The following IQSEC3 variants were observed in gnomAD, a reference collection of about 807,000 sequenced individuals.
The protein encoded by IQSEC3 is IQ motif and Sec7 domain ArfGEF 3, also known as IQ motif and SEC7 domain-containing protein 3.
A neutral mutation model predicts 105.4 loss-of-function variants in IQSEC3; 50 were observed. The ratio of observed to expected loss-of-function variants is 0.47; its 90% confidence interval spans 0.38 to 0.60. The LOEUF is 0.60. IQSEC3 is among the 20% of genes least tolerant of loss of function. IQSEC3 has a pLI of 0.00. For missense variants in IQSEC3, 1,415 were observed against 1,630.0 expected (o/e 0.87, Z 2.27); for synonymous variants, 708 against 746.0 (o/e 0.95, Z 0.83).
chr12:126,479 C>T (rs1372388483), intron 3 of IQSEC3, among the ~76,000 whole-genome samples: 2 of 151,670 alleles, frequency 1.3e-5, no homozygotes, highest in African/African-American at 4.8e-5. Flanking sequence ...ATTGTGGGGC[C>T]CCCATTGAAC....
chr12:139,787 G>C (rs797027174), intron 4 of IQSEC3: 6 of 156,514 alleles, frequency 3.8e-5, no homozygotes, highest in Non-Finnish European at 5.6e-5. Flanking sequence ...GAGGCTGGGT[G>C]GGGGAGGGAG....
chr12:76,341 G>T, intron 1 of IQSEC3, among the ~76,000 whole-genome samples: 1 of 152,256 alleles, frequency 6.6e-6, no homozygotes, highest in Non-Finnish European at 1.5e-5. Flanking sequence ...GGGACGGTGA[G>T]CAGGTGGTGC....
At chr12:98,082 C>T (rs540251638) in intron 1 of IQSEC3, among the ~76,000 whole-genome samples, 1 of 152,342 alleles carries the variant, frequency 6.6e-6, no homozygotes, top group South Asian at 2.1e-4. Flanking sequence ...AAATCCCTTT[C>T]AGATGATCTC....
At chr12:120,428 T>C (rs1448652438) in intron 2 of IQSEC3, among the ~76,000 whole-genome samples, 1 of 152,090 alleles carries the variant, frequency 6.6e-6, no homozygotes, top group Non-Finnish European at 1.5e-5. Flanking sequence ...AGATTGGGAA[T>C]GGACTTTATC....
chr12:114,027 C>T (rs1500105), intron 2 of IQSEC3, among the ~76,000 whole-genome samples: 44,033 of 152,194 alleles, frequency 0.29, 7,083 homozygotes, highest in Non-Finnish European at 0.35. Flanking sequence ...ATTCCATAAG[C>T]TTTCCAACCT....
rs1555083564 is a variant in IQSEC3 at position 126,573 on chromosome 12, G to GTGTGTGTA, written c.903+661_903+662insTGTGTGTA. On this transcript the variant is annotated intron_variant, in intron 3 of 13. Coordinates refer to ENST00000538872, the MANE Select transcript of IQSEC3 (RefSeq NM_001170738.2). ...TGTGTGTGTGTGTGTGTGTGTGTGT[G>GTGTGTGTA]CGCTTAGAGAAAGGTGTGATGGTGT... 2.1e-3 allele frequency among the ~76,000 whole-genome samples: 320 copies of GTGTGTGTA among 150,088 alleles called. 1 individual carries two copies. The highest frequency in any genetic ancestry group is 7.7e-3 in the African/African-American group (308 of 40,060).
intron 5 of IQSEC3, among the ~76,000 whole-genome samples, chr12:147,019 G>A (rs1435711465): frequency 2.0e-5 from 3 of 152,188 alleles, no homozygotes; most frequent in East Asian, 1.9e-4. Flanking sequence ...GGGACCTTCA[G>A]TCCAGGATTG....
intron 1 of IQSEC3, among the ~76,000 whole-genome samples, chr12:76,752 G>A (rs377300606): frequency 1.3e-5 from 2 of 152,384 alleles, no homozygotes; most frequent in African/African-American, 2.4e-5. Flanking sequence ...TGAACTCTAC[G>A]GAGGTATAGT....
At chr12:98,465 C>T (rs963241403) in intron 1 of IQSEC3, among the ~76,000 whole-genome samples, 1 of 152,200 alleles carries the variant, frequency 6.6e-6, no homozygotes, top group Non-Finnish European at 1.5e-5. Context: ...GGGCTGAGAA[C>T]CACTTCGCTA....
At chr12:171,573 T>G in intron 13 of IQSEC3, 6 of 567,716 alleles carry the variant, frequency 1.1e-5, no homozygotes, top group Admixed American at 6.6e-5. Context: ...CCACCATCCA[T>G]AGCGGGGAGC....
intron 3 of IQSEC3, among the ~76,000 whole-genome samples, chr12:127,041 C>T (rs368196235): frequency 2.2e-4 from 33 of 152,316 alleles, no homozygotes; most frequent in Middle Eastern, 3.4e-3. Flanking sequence ...GAGGGTTGTT[C>T]TCAAACCGAA....
chr12:161,890 A>ACCCCCCCCCCCCCCCCGC, intron 7 of IQSEC3, 36 bp from the exon 8 acceptor site: 1 of 1,546,180 alleles, frequency 6.5e-7, no homozygotes, highest in Non-Finnish European at 8.7e-7. Context: ...CTCCCTCCCA[A>ACCCCCCCCCCCCCCCCGC]CCCCACCACC....
At chr12:171,767 A>G (rs1269523764) in intron 13 of IQSEC3, among the ~76,000 whole-genome samples, 1 of 152,202 alleles carries the variant, frequency 6.6e-6, no homozygotes, top group Non-Finnish European at 1.5e-5. Context: ...ATGTGTGTGC[A>G]AAAGAAAATG....
chr12:96,116 T>C (rs1864235948), intron 1 of IQSEC3, among the ~76,000 whole-genome samples: 1 of 152,280 alleles, frequency 6.6e-6, no homozygotes. Flanking sequence ...CAGTGACTTA[T>C]GTAAGTAAGA....
intron 11 of IQSEC3, among the ~76,000 whole-genome samples, chr12:166,573 C>G (rs781826889): frequency 2.0e-5 from 3 of 152,138 alleles, no homozygotes; most frequent in Non-Finnish European, 4.4e-5. Flanking sequence ...GCAAGCTTGT[C>G]CTGATTAAGC....
chr12:120,693 C>A (rs1298253336), intron 2 of IQSEC3, among the ~76,000 whole-genome samples: 1 of 152,198 alleles, frequency 6.6e-6, no homozygotes, highest in African/African-American at 2.4e-5. Context: ...TGATATTCCT[C>A]TGAGAATGAG....
At chr12:141,045 A>G (rs1865999705) in intron 4 of IQSEC3, 79 bp from the exon 5 acceptor site, 9 of 1,419,188 alleles carry the variant, frequency 6.3e-6, no homozygotes, top group South Asian at 1.3e-5. Flanking sequence ...GGGTACTTCT[A>G]TGGGTGGAAG....
chr12:86,255 G>A (rs140906420), intron 1 of IQSEC3, among the ~76,000 whole-genome samples: 1 of 152,196 alleles, frequency 6.6e-6, no homozygotes, highest in Non-Finnish European at 1.5e-5. Context: ...AGGCTTTGTG[G>A]GAGGAATGTC....
chr12:118,888 C>G (rs1439637242), intron 2 of IQSEC3, among the ~76,000 whole-genome samples: 3 of 152,226 alleles, frequency 2.0e-5, no homozygotes, highest in Non-Finnish European at 4.4e-5. Flanking sequence ...CCCAGAGAGG[C>G]TCACTACCCC....
Sources: gnomAD v4.1 joint callset for allele counts (sites outside exome capture counted in the v4.1 genomes callset) on GRCh38, gnomAD v4.1.1 for gene constraint, MANE v1.5 for transcripts, NCBI Gene and HGNC (gene_info 2026-07-23, HGNC 2026-07-21) for gene names.